The following CLVS1 variants were observed in gnomAD, a reference collection of about 807,000 sequenced individuals.
CLVS1 encodes the protein clavesin 1, also known as clavesin-1.
Under a neutral mutation model 33.1 loss-of-function variants are expected in CLVS1, and 10 were observed. The observed-to-expected ratio is 0.30, with a 90% CI of 0.19 to 0.51. The LOEUF (loss-of-function observed/expected upper bound fraction) is 0.51. Among genes scored for constraint, CLVS1 ranks in the 20% least tolerant of loss-of-function variants. The pLI, the probability that CLVS1 is intolerant of heterozygous loss-of-function variation, is 0.97. For synonymous variants in CLVS1, 163 were observed against 166.1 expected, an observed-to-expected ratio of 0.98 and a Z score of 0.14; for missense variants, 343 against 433.4, an observed-to-expected ratio of 0.79 and a Z score of 1.85.
rs184384714 is a variant in CLVS1 at position 61,499,687 on chromosome 8, C to T, written c.*145C>T. 1.7e-5 allele frequency: 9 copies of T among 518,272 alleles called. No homozygotes were observed. The East Asian group carries it at 2.4e-4, about 14-fold the overall frequency. The allele number at this position is 518,272 out of a possible 1,614,324, so 32.1% of individuals were successfully genotyped here. A position where few individuals can be genotyped will look rare whatever the true frequency, so the allele number is the denominator to read the frequency against. On this transcript the variant is annotated 3_prime_UTR_variant, in exon 6 of 6. Transcript: ENST00000325897. The stretch of plus-strand genomic sequence containing the variant: ...TCCTGAACCCCTGCAGTGACTGTCA[C>T]CAGCCATCGGTCTGAGCAGCCAAAG...
At chr8:60,983,179 T>G in the CLVS1 span, among the ~76,000 whole-genome samples, 3 of 152,156 alleles carry the variant, frequency 2.0e-5, no homozygotes, top group Non-Finnish European at 4.4e-5. Context: ...AAGACACCTC[T>G]CAAGGTCACC....
At chr8:61,328,368 T>G (rs79503791) in intron 2 of CLVS1, among the ~76,000 whole-genome samples, 5,118 of 152,152 alleles carry the variant, frequency 0.034, 287 homozygotes, top group African/African-American at 0.11. Flanking sequence ...TTTTGTGGCT[T>G]AGGTGGAGCT....
chr8:61,114,327 G>A (rs555576795), intron 1 of CLVS1, among the ~76,000 whole-genome samples: 111 of 152,284 alleles, frequency 7.3e-4, no homozygotes, highest in Non-Finnish European at 1.1e-3. Context: ...AAACAGCAAA[G>A]GATCTTGATG....
intron 2 of CLVS1, among the ~76,000 whole-genome samples, chr8:61,164,741 C>A (rs1407540479): frequency 6.6e-6 from 1 of 152,182 alleles, no homozygotes; most frequent in Non-Finnish European, 1.5e-5. Context: ...TGGAATCCCC[C>A]CTCTTTCTGT....
chr8:61,205,506 C>A (rs73253720), intron 2 of CLVS1, among the ~76,000 whole-genome samples: 14,042 of 152,228 alleles, frequency 0.092, 1,248 homozygotes, highest in African/African-American at 0.24. Context: ...ATTGACTCAT[C>A]AGTGGATACT....
At chr8:61,237,616 C>T (rs1433453929) in intron 2 of CLVS1, among the ~76,000 whole-genome samples, 1 of 152,184 alleles carries the variant, frequency 6.6e-6, no homozygotes, top group Non-Finnish European at 1.5e-5. Flanking sequence ...GAATTATCCT[C>T]CAAGTTTGAC....
chr8:61,465,994 T>G (rs1454102400), intron 5 of CLVS1, among the ~76,000 whole-genome samples: 6 of 152,154 alleles, frequency 3.9e-5, no homozygotes, highest in African/African-American at 1.4e-4. Flanking sequence ...TTTTCAGAAG[T>G]CCACTTCTTT....
At chr8:61,028,131 G>A in the CLVS1 span, among the ~76,000 whole-genome samples, 2 of 152,216 alleles carry the variant, frequency 1.3e-5, no homozygotes, top group Admixed American at 6.5e-5. Flanking sequence ...CATCTTTAAA[G>A]ATAAGGACAC....
At chr8:61,146,978 G>T (rs946662913) in intron 2 of CLVS1, among the ~76,000 whole-genome samples, 2 of 152,198 alleles carry the variant, frequency 1.3e-5, no homozygotes, top group Non-Finnish European at 2.9e-5. Flanking sequence ...TCTGAACTAG[G>T]TATGTATGCT....
chr8:61,461,963 C>A (rs946070659), intron 5 of CLVS1, among the ~76,000 whole-genome samples: 2 of 152,138 alleles, frequency 1.3e-5, no homozygotes, highest in Admixed American at 6.5e-5. Flanking sequence ...CCTCAACATT[C>A]ATAGTTAAGC....
At chr8:61,474,965 G>A (rs1231944343) in intron 5 of CLVS1, among the ~76,000 whole-genome samples, 6 of 152,130 alleles carry the variant, frequency 3.9e-5, no homozygotes, top group African/African-American at 1.2e-4. Context: ...CCCCACAACA[G>A]GCCCCAGTGT....
intron 1 of CLVS1, among the ~76,000 whole-genome samples, chr8:61,295,771 T>C (rs1396268117): frequency 1.3e-5 from 2 of 152,130 alleles, no homozygotes; most frequent in African/African-American, 2.4e-5. Context: ...GGGGCAATCA[T>C]TTAACCTCTC....
chr8:61,332,154 G>C lies in CLVS1; in HGVS notation c.455+31872G>C, dbSNP rs182350423. ...GAAAAGGTGGCTGCCAGCTTTCTGG[G>C]GGCTGAGTGAGGGAAGGGAGCAGGT... On this transcript the variant is annotated intron_variant, in intron 2 of 5. Transcript: ENST00000325897. Among the ~76,000 whole-genome samples the C allele has an allele frequency of 5.1e-4, 77 of 152,274 alleles. 1 individual carries two copies. Among genetic ancestry groups the C allele is most frequent in the Admixed American group, 3.1e-3 (48 of 15,290 alleles).
intron 1 of CLVS1, among the ~76,000 whole-genome samples, chr8:61,092,779 A>T (rs1805272659): frequency 6.6e-6 from 1 of 152,186 alleles, no homozygotes; most frequent in Non-Finnish European, 1.5e-5. Flanking sequence ...CCAATGAGTG[A>T]CCCTAATTCC....
At chr8:60,980,662 G>C in the CLVS1 span, among the ~76,000 whole-genome samples, 1 of 152,170 alleles carries the variant, frequency 6.6e-6, no homozygotes, top group Admixed American at 6.5e-5. Context: ...GCACATGCCT[G>C]TAATCCCTGC....
upstream of CLVS1, among the ~76,000 whole-genome samples, chr8:61,286,984 C>A (rs1040322938): frequency 6.6e-6 from 1 of 152,102 alleles, no homozygotes; most frequent in Admixed American, 6.5e-5. Context: ...AAAATTAATG[C>A]TTTTTTATTT....
At chr8:61,435,629 A>T (rs2129605787) in intron 3 of CLVS1, among the ~76,000 whole-genome samples, 1 of 151,830 alleles carries the variant, frequency 6.6e-6, no homozygotes, top group Admixed American at 6.6e-5. Context: ...TGATAGTAAA[A>T]AAAAAAAAAA....
At chr8:61,197,421 A>C (rs1302174023) in intron 2 of CLVS1, among the ~76,000 whole-genome samples, 1 of 152,084 alleles carries the variant, frequency 6.6e-6, no homozygotes, top group Non-Finnish European at 1.5e-5. Flanking sequence ...GTTTTTATGC[A>C]AGTACCATGC....
At chr8:61,020,815 C>T in the CLVS1 span, among the ~76,000 whole-genome samples, 1 of 152,200 alleles carries the variant, frequency 6.6e-6, no homozygotes, top group South Asian at 2.1e-4. Context: ...AGATGCTTTG[C>T]TTCCTCTCTG....
Sources: gnomAD v4.1 joint callset for allele counts (sites outside exome capture counted in the v4.1 genomes callset) on GRCh38, gnomAD v4.1.1 for gene constraint, MANE v1.5 for transcripts, NCBI Gene and HGNC (gene_info 2026-07-23, HGNC 2026-07-21) for gene names.